The following MBNL2 variants were observed in gnomAD, a reference collection of about 807,000 sequenced individuals.
The protein encoded by MBNL2 is muscleblind-like protein 2.
MBNL2 carries 17 observed loss-of-function variants against 41.9 expected under a neutral mutation model. The ratio of observed to expected loss-of-function variants is 0.41; its 90% confidence interval spans 0.28 to 0.61. MBNL2 has a LOEUF of 0.61. Ranked by LOEUF, MBNL2 falls within the 20% of genes least tolerant of loss-of-function variation. The pLI is 0.35. For missense variants in MBNL2, 336 were observed against 505.6 expected, an observed-to-expected ratio of 0.66 and a Z score of 3.22; for synonymous variants, 195 against 182.9, an observed-to-expected ratio of 1.07 and a Z score of -0.53.
chr13:97,156,513 G>C, the MBNL2 span, among the ~76,000 whole-genome samples: 4 of 134,010 alleles, frequency 3.0e-5, no homozygotes, highest in African/African-American at 8.7e-5. Context: ...TTCTTCTAGG[G>C]TTTTTATGGT....
chr13:97,249,044 T>C (rs1353564019), intron 1 of MBNL2, among the ~76,000 whole-genome samples: 1 of 152,342 alleles, frequency 6.6e-6, no homozygotes, highest in East Asian at 1.9e-4. Context: ...AAGTTGTTTA[T>C]ATATTAAACT....
chr13:97,388,290 A>C (rs1594303142), intron 8 of MBNL2, among the ~76,000 whole-genome samples: 1 of 137,600 alleles, frequency 7.3e-6, no homozygotes, highest in East Asian at 2.1e-4. Context: ...AAAGATGGAA[A>C]AAGTTTATAC....
intron 8 of MBNL2, among the ~76,000 whole-genome samples, chr13:97,374,268 C>A (rs1335299783): frequency 1.3e-5 from 2 of 151,374 alleles, no homozygotes; most frequent in Non-Finnish European, 2.9e-5. Context: ...CTGCCTCAGC[C>A]TCCCGAGTAG....
At chr13:97,149,917 CA>C in the MBNL2 span, among the ~76,000 whole-genome samples, 1 of 152,314 alleles carries the variant, frequency 6.6e-6, no homozygotes, top group African/African-American at 2.4e-5. Flanking sequence ...TTAGGAAATC[CA>C]TTGAATGATT....
chr13:97,157,247 A>G, the MBNL2 span, among the ~76,000 whole-genome samples: 2 of 142,100 alleles, frequency 1.4e-5, no homozygotes, highest in African/African-American at 2.6e-5. Context: ...TTGATTTTGT[A>G]TCCTGAGACT....
chr13:97,274,446 G>A (rs1281211129), intron 1 of MBNL2, among the ~76,000 whole-genome samples: 10 of 152,034 alleles, frequency 6.6e-5, no homozygotes, highest in Non-Finnish European at 1.2e-4. Context: ...GCAGTGAGCC[G>A]AGTTCATGCT....
chr13:97,183,622 C>T, the MBNL2 span, among the ~76,000 whole-genome samples: 73,391 of 152,080 alleles, frequency 0.48, 21,602 homozygotes, highest in Non-Finnish European at 0.65. Flanking sequence ...GACAATTTTA[C>T]GCCCACAGTT....
upstream of MBNL2, among the ~76,000 whole-genome samples, chr13:97,220,173 G>A (rs116060128): frequency 1.5e-3 from 229 of 152,310 alleles, 1 homozygote; most frequent in African/African-American, 5.2e-3. Context: ...AGTAAGAATG[G>A]CTATCATTAG....
At chr13:97,191,332 CA>C in the MBNL2 span, among the ~76,000 whole-genome samples, 1 of 149,576 alleles carries the variant, frequency 6.7e-6, no homozygotes, top group African/African-American at 2.5e-5. Context: ...GCTGGGGATT[CA>C]AGCTGCGAGG....
chr13:97,288,070 G>A lies in MBNL2; in HGVS notation c.174+11661G>A, dbSNP rs146150214. Among the ~76,000 whole-genome samples, 302 of 151,640 alleles carry A rather than the reference G, an allele frequency of 2.0e-3. 1 individual carries two copies. Among genetic ancestry groups the A allele is most frequent in the African/African-American group, 6.7e-3 (278 of 41,322 alleles). On this transcript the variant is annotated intron_variant, in intron 2 of 8. Coordinates refer to ENST00000679496, the MANE Select transcript of MBNL2 (RefSeq NM_001382683.1). ...ATTACAGCCATGAGCCACCATGCCC[G>A]GCCTATGTTTATTTCTTTTATAAAA... is the stretch of plus-strand genomic sequence containing the variant.
intron 2 of MBNL2, among the ~76,000 whole-genome samples, chr13:97,288,980 T>TGG (rs2055240266): frequency 6.6e-6 from 1 of 152,188 alleles, no homozygotes; most frequent in East Asian, 1.9e-4. Flanking sequence ...CTGTAGAACA[T>TGG]GATATATTGC....
chr13:97,225,436 G>A (rs1256054916), intron 1 of MBNL2, among the ~76,000 whole-genome samples: 2 of 152,180 alleles, frequency 1.3e-5, no homozygotes, highest in Non-Finnish European at 2.9e-5. Flanking sequence ...TGCAAGGGGT[G>A]AAGGATTCTG....
the MBNL2 span, among the ~76,000 whole-genome samples, chr13:97,182,757 T>C: frequency 6.6e-6 from 1 of 152,304 alleles, no homozygotes; most frequent in South Asian, 2.1e-4. Flanking sequence ...AGGGCACACG[T>C]AGATTTTTGT....
At chr13:97,316,502 T>G (rs2059067203) in intron 2 of MBNL2, among the ~76,000 whole-genome samples, 1 of 152,224 alleles carries the variant, frequency 6.6e-6, no homozygotes, top group South Asian at 2.1e-4. Flanking sequence ...AAACCATGGT[T>G]GTTTCTCAGA....
intron 1 of MBNL2, among the ~76,000 whole-genome samples, chr13:97,265,597 G>A (rs567774568): frequency 2.3e-4 from 35 of 152,080 alleles, no homozygotes; most frequent in South Asian, 4.1e-4. Context: ...CTTATACTTC[G>A]TTGACTTTGG....
At chr13:97,272,956 G>A (rs1293913278) in intron 1 of MBNL2, among the ~76,000 whole-genome samples, 1 of 152,182 alleles carries the variant, frequency 6.6e-6, no homozygotes, top group Non-Finnish European at 1.5e-5. Flanking sequence ...ATTTCTTCCA[G>A]GGGGAATGAA....
At chr13:97,310,111 C>T (rs2058455976) in intron 2 of MBNL2, among the ~76,000 whole-genome samples, 2 of 152,136 alleles carry the variant, frequency 1.3e-5, no homozygotes, top group South Asian at 4.1e-4. Context: ...GTGTAAGGCT[C>T]AGCAAATAAC....
At chr13:97,356,875 T>C in intron 6 of MBNL2, 26 bp downstream of exon 6, 1 of 1,340,918 alleles carries the variant, frequency 7.5e-7, no homozygotes, top group South Asian at 1.2e-5. Context: ...ACCTTTCGCT[T>C]TGCATGTAGC....
intron 2 of MBNL2, among the ~76,000 whole-genome samples, chr13:97,291,617 G>A (rs918705973): frequency 2.0e-5 from 3 of 152,040 alleles, no homozygotes; most frequent in Non-Finnish European, 2.9e-5. Flanking sequence ...TGCTTGGGTC[G>A]GGCGCGGTGG....
Sources: gnomAD v4.1 joint callset for allele counts (sites outside exome capture counted in the v4.1 genomes callset) on GRCh38, gnomAD v4.1.1 for gene constraint, MANE v1.5 for transcripts, NCBI Gene and HGNC (gene_info 2026-07-23, HGNC 2026-07-21) for gene names.